Variants in PACRG observed in about 807,000 individuals in gnomAD.
PACRG encodes the protein parkin coregulated.
Under a neutral mutation model 29.7 loss-of-function variants are expected in PACRG, and 29 were observed. That is an observed-to-expected ratio of 0.98 (90% CI 0.73 to 1.33). The LOEUF (loss-of-function observed/expected upper bound fraction) is 1.33, where lower values mean the gene tolerates loss of function less well. Ranked by LOEUF, PACRG falls within the 40% of genes most tolerant of loss-of-function variation. PACRG has a pLI of 0.00. For missense variants in PACRG, 279 were observed against 316.2 expected (o/e 0.88, Z 0.89); for synonymous variants, 116 against 118.7 (o/e 0.98, Z 0.15).
At chr6:162,950,849 A>G (rs924932392) in intron 2 of PACRG, among the ~76,000 whole-genome samples, 1 of 152,254 alleles carries the variant, frequency 6.6e-6, no homozygotes, top group African/African-American at 2.4e-5. Context: ...AAAAGCCTAG[A>G]CAGAGTGGAC....
intron 1 of PACRG, among the ~76,000 whole-genome samples, chr6:162,757,584 T>G (rs893451858): frequency 6.6e-6 from 1 of 152,108 alleles, no homozygotes; most frequent in Non-Finnish European, 1.5e-5. Context: ...GGTGCACACA[T>G]GTAATCCCAG....
At chr6:163,173,416 T>TCATCC (rs540243105) in intron 4 of PACRG, among the ~76,000 whole-genome samples, 104 of 152,256 alleles carry the variant, frequency 6.8e-4, no homozygotes, top group Non-Finnish European at 1.2e-3. Flanking sequence ...ACACCTGATC[T>TCATCC]CATCCCATCC....
intron 4 of PACRG, among the ~76,000 whole-genome samples, chr6:163,105,256 C>A (rs1815317163): frequency 1.3e-5 from 2 of 152,050 alleles, no homozygotes; most frequent in South Asian, 2.1e-4. Flanking sequence ...ATGTACCAAG[C>A]ACACCTATTA....
chr6:162,934,146 C>T (rs113056230), intron 2 of PACRG, among the ~76,000 whole-genome samples: 1 of 152,030 alleles, frequency 6.6e-6, no homozygotes, highest in Non-Finnish European at 1.5e-5. Context: ...CTCCTGTAAT[C>T]GCAGCTACTC....
intron 2 of PACRG, among the ~76,000 whole-genome samples, chr6:162,892,313 G>A (rs186717277): frequency 6.6e-6 from 1 of 152,290 alleles, no homozygotes; most frequent in Admixed American, 6.5e-5. Flanking sequence ...CTGACTCAAA[G>A]ACATCTGACT....
chr6:163,043,376 C>A (rs570083398), intron 2 of PACRG, among the ~76,000 whole-genome samples: 1 of 152,216 alleles, frequency 6.6e-6, no homozygotes, highest in African/African-American at 2.4e-5. Context: ...GCCAACATGA[C>A]AAAACCCCAT....
chr6:162,768,633 A>T (rs892810567), intron 1 of PACRG, among the ~76,000 whole-genome samples: 1 of 152,094 alleles, frequency 6.6e-6, no homozygotes, highest in Non-Finnish European at 1.5e-5. Flanking sequence ...TTGTTCAGCT[A>T]TATTTTCTAT....
intron 2 of PACRG, among the ~76,000 whole-genome samples, chr6:162,947,439 AAT>A (rs1259484501): frequency 0.025 from 1,313 of 52,762 alleles, 37 homozygotes; most frequent in African/African-American, 0.068. Flanking sequence ...ATATATATAA[AAT>A]ATATATAATC....
At chr6:162,814,963 A>G (rs925820738) in intron 2 of PACRG, among the ~76,000 whole-genome samples, 1 of 152,234 alleles carries the variant, frequency 6.6e-6, no homozygotes, top group African/African-American at 2.4e-5. Context: ...TGTTATTTGT[A>G]AAAACTTGCC....
At chr6:162,765,811 G>A (rs577528216) in intron 1 of PACRG, among the ~76,000 whole-genome samples, 1 of 151,692 alleles carries the variant, frequency 6.6e-6, no homozygotes, top group Non-Finnish European at 1.5e-5. Context: ...GCATTTTTGG[G>A]CATTTCTTTA....
intron 4 of PACRG, among the ~76,000 whole-genome samples, chr6:163,262,877 C>CA (rs1783382849): frequency 7.0e-6 from 1 of 143,128 alleles, no homozygotes; most frequent in Non-Finnish European, 1.5e-5. Flanking sequence ...CCCCCCCCCC[C>CA]ATGTCAACTA....
At chr6:163,051,637 G>A (rs1041028393) in intron 2 of PACRG, 2 of 152,068 alleles carry the variant, frequency 1.3e-5, no homozygotes, top group East Asian at 3.9e-4. Flanking sequence ...AGCCCTTCAA[G>A]TGTCCTGGTT....
intron 2 of PACRG, among the ~76,000 whole-genome samples, chr6:162,826,890 A>G (rs1788333439): frequency 6.6e-6 from 1 of 152,218 alleles, no homozygotes; most frequent in African/African-American, 2.4e-5. Flanking sequence ...AATGGAAAAC[A>G]TCTTTCAAAT....
chr6:162,975,998 G>A (rs562034429), intron 2 of PACRG, among the ~76,000 whole-genome samples: 3 of 152,106 alleles, frequency 2.0e-5, no homozygotes, highest in African/African-American at 4.8e-5. Flanking sequence ...GGTGTGAGAC[G>A]GGATTTGAGA....
upstream of PACRG, chr6:162,727,817 G>C: frequency 1.2e-6 from 1 of 808,458 alleles, no homozygotes; most frequent in Non-Finnish European, 2.0e-6. Flanking sequence ...ACGCGCGGAG[G>C]GCGCGGCCCA....
chr6:163,279,661 T>C (rs191934700), intron 4 of PACRG, among the ~76,000 whole-genome samples: 18 of 152,334 alleles, frequency 1.2e-4, no homozygotes, highest in African/African-American at 3.8e-4. Context: ...TAATATTCAA[T>C]AAGAGATTTC....
chr6:163,059,144 T>C (rs1474737574), intron 2 of PACRG, among the ~76,000 whole-genome samples: 2 of 151,976 alleles, frequency 1.3e-5, no homozygotes, highest in South Asian at 4.2e-4. Context: ...AGGAAAGAAC[T>C]GCTGTGGTCA....
At chr6:163,251,233 C>T (rs1457028108) in intron 4 of PACRG, among the ~76,000 whole-genome samples, 2 of 151,752 alleles carry the variant, frequency 1.3e-5, no homozygotes, top group African/African-American at 4.8e-5. Context: ...AACCAAATAC[C>T]ACCTGTACCC....
chr6:163,289,211 G>C (rs1562360836), intron 4 of PACRG, among the ~76,000 whole-genome samples: 1 of 152,206 alleles, frequency 6.6e-6, no homozygotes, highest in Non-Finnish European at 1.5e-5. Context: ...CCATGTGTCA[G>C]GACTCGCTGG....
Sources: gnomAD v4.1 joint callset for allele counts (sites outside exome capture counted in the v4.1 genomes callset) on GRCh38, gnomAD v4.1.1 for gene constraint, MANE v1.5 for transcripts, NCBI Gene and HGNC (gene_info 2026-07-23, HGNC 2026-07-21) for gene names.